PARM1: variants seen among roughly 807,000 people sequenced by gnomAD.
PARM1 encodes prostate androgen-regulated mucin-like protein 1.
A neutral mutation model predicts 24.6 loss-of-function variants in PARM1; 14 were observed. That is an observed-to-expected ratio of 0.57 (90% confidence interval 0.38 to 0.89). PARM1 has a LOEUF of 0.89. PARM1 is among the 40% of genes least tolerant of loss of function. The probability of loss-of-function intolerance (pLI) is 0.00; values close to 1 mark genes in which losing one functional copy is unlikely to be tolerated. For synonymous variants in PARM1, 179 were observed against 156.6 expected (o/e 1.14, Z -1.07); for missense variants, 362 against 380.4 (o/e 0.95, Z 0.40).
At position 74,936,631 on chromosome 4, in the gene PARM1, A is replaced by T. The variant is rs184182313; in HGVS notation, c.43+3261A>T. ...ACCACACCCGTCTAATTTTTTTTGT[A>T]TTTTTAGTAGAGACGGGGTTTCACC... On this transcript the variant is annotated intron_variant, in intron 1 of 3. Transcript: ENST00000307428. Among the ~76,000 whole-genome samples, 449 of 151,074 alleles carry T rather than the reference A, an allele frequency of 3.0e-3. 3 individuals are homozygous for T. The highest frequency in any genetic ancestry group is 0.01 in the African/African-American group (417 of 41,146).
rs75887448 is a variant in PARM1 at position 75,014,520 on chromosome 4, C to T, written c.769+1370C>T. 8.4e-3 allele frequency among the ~76,000 whole-genome samples: 1,279 copies of T among 152,198 alleles called. 11 individuals carry two copies. Among genetic ancestry groups the T allele is most frequent in the African/African-American group, 0.026 (1,100 of 41,512 alleles). On this transcript the variant is annotated intron_variant, in intron 2 of 3. Coordinates refer to ENST00000307428, the MANE Select transcript of PARM1 (RefSeq NM_015393.4). ...AGAAGGAGAGGCCCAGTAGAGTTGACCATGCCATCAGGAGCAGTGACTCTT... is the reference window on the plus strand; with the variant it reads ...AGAAGGAGAGGCCCAGTAGAGTTGATCATGCCATCAGGAGCAGTGACTCTT...
intron 1 of PARM1, among the ~76,000 whole-genome samples, chr4:74,958,752 A>G (rs1425592564): frequency 6.6e-6 from 1 of 152,182 alleles, no homozygotes; most frequent in Non-Finnish European, 1.5e-5. Context: ...TGTTTTTCTC[A>G]TTTGTAAAAT....
Position 75,046,193 on chromosome 4 carries a change from C to T in PARM1, c.879C>T (p.Asp293=), listed in dbSNP as rs1225827998. The T allele has an allele frequency of 1.9e-6, 3 of 1,612,966 alleles. No individual in the cohort carries two copies. The highest frequency in any genetic ancestry group is 2.5e-6 in the Non-Finnish European group (3 of 1,179,092). The change falls in exon 4 of 4, where the codon GAC becomes GAT. Residue 293 remains aspartate (D), a synonymous_variant. Coordinates refer to ENST00000307428, the MANE Select transcript of PARM1 (RefSeq NM_015393.4). ...CCTCCTATGGAAGACTTTTGGACGACCATGACTACGGGTCCTGGGGAAACT... is the reference window on the plus strand; with the variant it reads ...CCTCCTATGGAAGACTTTTGGACGATCATGACTACGGGTCCTGGGGAAACT... ...RHSSYGRLLD[D]HDYGSWGNYN...
At chr4:74,970,142 G>A (rs1721997306) in intron 1 of PARM1, 1 of 152,226 alleles carries the variant, frequency 6.6e-6, no homozygotes, top group Admixed American at 6.5e-5. Flanking sequence ...ATCTTCATAT[G>A]AAGAATTAGA....
chr4:75,036,593 C>T (rs777247458), intron 3 of PARM1, among the ~76,000 whole-genome samples: 7 of 152,190 alleles, frequency 4.6e-5, no homozygotes, highest in Admixed American at 2.0e-4. Flanking sequence ...AGCTGTAGAG[C>T]GTCAGCCATG....
Position 75,018,391 on chromosome 4 carries a change from A to G in PARM1, c.769+5241A>G, listed in dbSNP as rs140051116. Reference sequence around the variant, plus strand: ...AGGGGAAGAACATATTGAGAATCATATTTTAAAAGTATTCAACTGGTGGGA... The same window carrying G: ...AGGGGAAGAACATATTGAGAATCATGTTTTAAAAGTATTCAACTGGTGGGA... On this transcript the variant is annotated intron_variant, in intron 2 of 3. Coordinates refer to ENST00000307428, the MANE Select transcript of PARM1 (RefSeq NM_015393.4). Among the ~76,000 whole-genome samples, 442 of 152,342 alleles carry G rather than the reference A, an allele frequency of 2.9e-3. 1 individual carries two copies. The Middle Eastern group carries it at 0.034, about 12-fold the overall frequency.
chr4:74,939,235 A>T (rs970169535), intron 1 of PARM1, among the ~76,000 whole-genome samples: 2 of 152,158 alleles, frequency 1.3e-5, no homozygotes, highest in Admixed American at 6.5e-5. Flanking sequence ...GCACCATTTC[A>T]TTAGAAATAA....
At chr4:75,010,056 C>T (rs1404474475) in intron 1 of PARM1, among the ~76,000 whole-genome samples, 1 of 152,162 alleles carries the variant, frequency 6.6e-6, no homozygotes, top group African/African-American at 2.4e-5. Context: ...TGTTCACCCA[C>T]GTTCATGGCA....
intron 3 of PARM1, among the ~76,000 whole-genome samples, chr4:75,044,753 A>T (rs1160192979): frequency 8.0e-6 from 1 of 125,444 alleles, no homozygotes; most frequent in Non-Finnish European, 1.7e-5. Context: ...CAAAAGAAAG[A>T]GGTTTAATTG....
At chr4:75,027,182 C>T (rs368519886) in intron 2 of PARM1, among the ~76,000 whole-genome samples, 1 of 152,298 alleles carries the variant, frequency 6.6e-6, no homozygotes, top group African/African-American at 2.4e-5. Context: ...CCCTGCCTGC[C>T]TATCCCATCC....
chr4:74,961,000 G>A (rs759388463), intron 1 of PARM1, among the ~76,000 whole-genome samples: 4 of 147,646 alleles, frequency 2.7e-5, no homozygotes, highest in East Asian at 2.0e-4. Context: ...GCAAGACTCC[G>A]TCTCAAAAAA....
At position 75,047,168 on chromosome 4, in the gene PARM1, C is replaced by T. The variant is rs1436700999; in HGVS notation, c.*921C>T. On this transcript the variant is annotated 3_prime_UTR_variant, in exon 4 of 4. Coordinates refer to ENST00000307428, the MANE Select transcript of PARM1 (RefSeq NM_015393.4). ...AGTGAGAATCAGCTATTGATAATGG[C>T]CAGAGATATCCACAGCTTGGAGGAG... The T allele has an allele frequency of 6.6e-6, 1 of 152,232 alleles. No individual in the cohort carries two copies. The highest frequency in any genetic ancestry group is 1.9e-4 in the East Asian group (1 of 5,194). 9.4% of individuals were successfully genotyped at this position (152,232 alleles called of 1,614,324 possible). A position where few individuals can be genotyped will look rare whatever the true frequency, so the allele number is the denominator to read the frequency against.
chr4:74,983,309 TTAACTCA>T (rs1197310374), intron 1 of PARM1, among the ~76,000 whole-genome samples: 1 of 152,220 alleles, frequency 6.6e-6, no homozygotes, highest in East Asian at 1.9e-4. Flanking sequence ...GTCTGAAATC[TTAACTCA>T]TAACTATTTT....
At chr4:74,991,838 C>A (rs1452960008) in intron 1 of PARM1, among the ~76,000 whole-genome samples, 1 of 152,050 alleles carries the variant, frequency 6.6e-6, no homozygotes, top group African/African-American at 2.4e-5. Flanking sequence ...TTACACATGT[C>A]CCAGAACAAA....
chr4:75,000,055 G>A (rs1435081608), intron 1 of PARM1, among the ~76,000 whole-genome samples: 1 of 152,116 alleles, frequency 6.6e-6, no homozygotes. Context: ...GACAGGTCCA[G>A]CTGCCTCTTG....
At chr4:75,041,178 G>A (rs759589530) in intron 3 of PARM1, among the ~76,000 whole-genome samples, 1 of 152,166 alleles carries the variant, frequency 6.6e-6, no homozygotes, top group Non-Finnish European at 1.5e-5. Context: ...CTGATAGATG[G>A]TAAGTTTTCA....
intron 2 of PARM1, among the ~76,000 whole-genome samples, chr4:75,026,136 T>C (rs1468204606): frequency 2.0e-5 from 3 of 152,226 alleles, no homozygotes; most frequent in Admixed American, 1.3e-4. Flanking sequence ...GCAAGCTGTT[T>C]TCCTTAGAAA....
chr4:74,941,600 G>A (rs764576653), intron 1 of PARM1, among the ~76,000 whole-genome samples: 1 of 152,164 alleles, frequency 6.6e-6, no homozygotes, highest in Non-Finnish European at 1.5e-5. Context: ...AAATTTATAT[G>A]AATATAGTAT....
At chr4:74,978,933 C>T (rs190730405) in intron 1 of PARM1, among the ~76,000 whole-genome samples, 1 of 152,160 alleles carries the variant, frequency 6.6e-6, no homozygotes, top group African/African-American at 2.4e-5. Flanking sequence ...GACAATGTAC[C>T]AGAATCTTTG....
Sources: gnomAD v4.1 joint callset for allele counts (sites outside exome capture counted in the v4.1 genomes callset) on GRCh38, gnomAD v4.1.1 for gene constraint, MANE v1.5 for transcripts, NCBI Gene and HGNC (gene_info 2026-07-23, HGNC 2026-07-21) for gene names.